Variants in CHRM3 observed in about 807,000 individuals in gnomAD.
CHRM3 encodes muscarinic acetylcholine receptor M3.
In CHRM3, 11 loss-of-function variants were observed where a neutral mutation model predicts 41.8. The ratio of observed to expected loss-of-function variants is 0.26; its 90% confidence interval spans 0.17 to 0.44. The LOEUF (loss-of-function observed/expected upper bound fraction) is 0.44, where lower values mean the gene tolerates loss of function less well. Among genes scored for constraint, CHRM3 ranks in the 20% least tolerant of loss-of-function variants. The pLI, the probability that CHRM3 is intolerant of heterozygous loss-of-function variation, is 1.00. For missense variants in CHRM3, 571 were observed against 745.4 expected, an observed-to-expected ratio of 0.77 and a Z score of 2.72; for synonymous variants, 297 against 301.4, an observed-to-expected ratio of 0.99 and a Z score of 0.15.
rs180683443 is a variant in CHRM3 at position 239,482,055 on chromosome 1, G to A, written c.-520-10654G>A. Among the ~76,000 whole-genome samples, 301 of 152,044 alleles carry A rather than the reference G, an allele frequency of 2.0e-3. 1 individual carries two copies. The highest frequency in any genetic ancestry group is 6.8e-3 in the African/African-American group (281 of 41,474). ...AGACAATTCTTTTTTCTATTACAAA[G>A]GCTTATTTTTTTCATTTTCTCTTCT... is the stretch of plus-strand genomic sequence containing the variant. On this transcript the variant is annotated intron_variant, in intron 1 of 6. Transcript: ENST00000676153.
chr1:239,576,412 A>C (rs1407355350), intron 3 of CHRM3, among the ~76,000 whole-genome samples: 3 of 152,130 alleles, frequency 2.0e-5, no homozygotes, highest in Non-Finnish European at 4.4e-5. Context: ...GAGAGTATTA[A>C]CTATTGAACA....
At chr1:239,821,981 G>A (rs919296131) in intron 5 of CHRM3, among the ~76,000 whole-genome samples, 3 of 152,110 alleles carry the variant, frequency 2.0e-5, no homozygotes, top group Admixed American at 6.6e-5. Flanking sequence ...TGTGAGGAAG[G>A]TGCCTGCTTC....
At chr1:239,476,193 C>T (rs1320422472) in intron 1 of CHRM3, among the ~76,000 whole-genome samples, 4 of 152,100 alleles carry the variant, frequency 2.6e-5, no homozygotes, top group Admixed American at 6.6e-5. Context: ...TGGCCGGGCA[C>T]GGTGGCTCAT....
At chr1:239,586,131 C>T (rs1296450677) in intron 3 of CHRM3, among the ~76,000 whole-genome samples, 1 of 152,216 alleles carries the variant, frequency 6.6e-6, no homozygotes, top group African/African-American at 2.4e-5. Context: ...GCCCAGTAAC[C>T]TCTGACATCT....
At chr1:239,784,903 G>A (rs1011929762) in intron 5 of CHRM3, among the ~76,000 whole-genome samples, 1 of 152,150 alleles carries the variant, frequency 6.6e-6, no homozygotes, top group Non-Finnish European at 1.5e-5. Context: ...ATTTTTCAGT[G>A]ATTTTAGTTT....
intron 1 of CHRM3, among the ~76,000 whole-genome samples, chr1:239,403,979 GAGA>G (rs1660209991): frequency 1.8e-4 from 7 of 39,680 alleles, no homozygotes; most frequent in Non-Finnish European, 1.9e-4. Context: ...GGGAGGGGGA[GAGA>G]GAGAGAGAGA....
intron 6 of CHRM3, among the ~76,000 whole-genome samples, chr1:239,848,852 C>T (rs543604470): frequency 7.2e-5 from 11 of 152,238 alleles, no homozygotes; most frequent in East Asian, 1.9e-4. Context: ...ATGGTATAAA[C>T]GTGTCATGGT....
chr1:239,446,083 T>A (rs181189489), intron 1 of CHRM3, among the ~76,000 whole-genome samples: 1 of 152,106 alleles, frequency 6.6e-6, no homozygotes, highest in South Asian at 2.1e-4. Flanking sequence ...ACTACAGGTG[T>A]GCACCACCAC....
intron 6 of CHRM3, among the ~76,000 whole-genome samples, chr1:239,866,754 G>A (rs1034022860): frequency 1.3e-5 from 2 of 152,140 alleles, no homozygotes; most frequent in African/African-American, 4.8e-5. Context: ...CACTGGACTG[G>A]GCATAGGAGG....
At chr1:239,639,069 G>A (rs1041419043) in intron 4 of CHRM3, among the ~76,000 whole-genome samples, 2 of 151,856 alleles carry the variant, frequency 1.3e-5, no homozygotes, top group Admixed American at 1.3e-4. Context: ...AGATCAGATA[G>A]TTGTAGATAT....
chr1:239,719,896 A>G (rs746391921), intron 5 of CHRM3, among the ~76,000 whole-genome samples: 1 of 151,984 alleles, frequency 6.6e-6, no homozygotes, highest in Non-Finnish European at 1.5e-5. Context: ...GAGCACATGC[A>G]GAATAGATCT....
intron 2 of CHRM3, among the ~76,000 whole-genome samples, chr1:239,543,913 G>A (rs750168712): frequency 6.6e-6 from 1 of 152,194 alleles, no homozygotes; most frequent in Non-Finnish European, 1.5e-5. Flanking sequence ...CATGAAAGCA[G>A]CCAGAGACGA....
intron 1 of CHRM3, among the ~76,000 whole-genome samples, chr1:239,485,003 A>G (rs1667096296): frequency 6.6e-6 from 1 of 152,210 alleles, no homozygotes. Context: ...TGGATGGAGG[A>G]AGACAGGATA....
intron 5 of CHRM3, chr1:239,719,675 C>T (rs1024628013): frequency 2.0e-4 from 30 of 151,878 alleles, no homozygotes; most frequent in Non-Finnish European, 4.4e-5. Flanking sequence ...AAGAATTGCA[C>T]GATCTACTTG....
chr1:239,744,358 G>A (rs1472217204), intron 5 of CHRM3, among the ~76,000 whole-genome samples: 1 of 152,106 alleles, frequency 6.6e-6, no homozygotes, highest in African/African-American at 2.4e-5. Flanking sequence ...ATACAAAAAG[G>A]GAAAGTGTGT....
intron 5 of CHRM3, among the ~76,000 whole-genome samples, chr1:239,822,756 A>G (rs1277277755): frequency 6.6e-6 from 1 of 152,256 alleles, no homozygotes; most frequent in Non-Finnish European, 1.5e-5. Flanking sequence ...TATGGACACT[A>G]ACATCATTGC....
intron 5 of CHRM3, among the ~76,000 whole-genome samples, chr1:239,745,635 C>G (rs922594459): frequency 2.0e-5 from 3 of 151,994 alleles, no homozygotes; most frequent in Admixed American, 2.0e-4. Context: ...TAATGCTGTC[C>G]GTCTCCTACC....
intron 5 of CHRM3, among the ~76,000 whole-genome samples, chr1:239,736,915 C>T (rs1664441539): frequency 6.6e-6 from 1 of 152,086 alleles, no homozygotes; most frequent in Non-Finnish European, 1.5e-5. Context: ...CATGAAAGTT[C>T]AGTCTTGCTG....
chr1:239,693,496 A>C (rs940228327), intron 5 of CHRM3, among the ~76,000 whole-genome samples: 3 of 152,166 alleles, frequency 2.0e-5, no homozygotes, highest in Non-Finnish European at 2.9e-5. Flanking sequence ...AACTCTGAAA[A>C]ATAAATGTCT....
Sources: allele counts gnomAD v4.1 joint callset (sites outside exome capture counted in the v4.1 genomes callset), GRCh38; gene constraint gnomAD v4.1.1; transcripts MANE v1.5; gene names NCBI Gene and HGNC (gene_info 2026-07-23, HGNC 2026-07-21).